Variants in NRG3 observed in about 807,000 individuals in gnomAD.
NRG3 encodes the protein neuregulin 3, also known as pro-neuregulin-3, membrane-bound isoform.
NRG3 carries 31 observed loss-of-function variants against 66.9 expected under a neutral mutation model. That is an observed-to-expected ratio of 0.46 (90% CI 0.35 to 0.63). The LOEUF is 0.63. Ranked by LOEUF, NRG3 falls within the 20% of genes least tolerant of loss-of-function variation. The probability of loss-of-function intolerance (pLI) is 0.00; values close to 1 mark genes in which losing one functional copy is unlikely to be tolerated. For missense variants in NRG3, 910 were observed against 878.9 expected, an observed-to-expected ratio of 1.04 and a Z score of -0.45; for synonymous variants, 393 against 359.4, an observed-to-expected ratio of 1.09 and a Z score of -1.06.
intron 4 of NRG3, among the ~76,000 whole-genome samples, chr10:82,916,023 G>C (rs184523791): frequency 1.1e-4 from 16 of 152,210 alleles, no homozygotes; most frequent in Admixed American, 9.2e-4. Flanking sequence ...GAGAATGGAG[G>C]AAGGCAAAAA....
intron 4 of NRG3, among the ~76,000 whole-genome samples, chr10:82,934,752 C>T (rs1847901186): frequency 6.6e-6 from 1 of 152,196 alleles, no homozygotes; most frequent in Non-Finnish European, 1.5e-5. Flanking sequence ...CTCCTGCCCT[C>T]TGTTTAGGTA....
chr10:82,007,477 G>A (rs1173605196), intron 1 of NRG3, among the ~76,000 whole-genome samples: 1 of 152,082 alleles, frequency 6.6e-6, no homozygotes, highest in Non-Finnish European at 1.5e-5. Flanking sequence ...AAAGTGCTGG[G>A]ATTACAGGCG....
At chr10:82,187,904 T>C (rs2073901775) in intron 1 of NRG3, among the ~76,000 whole-genome samples, 1 of 152,014 alleles carries the variant, frequency 6.6e-6, no homozygotes. Context: ...CAAAGAACTC[T>C]ATAGATTCAG....
chr10:82,028,667 C>G (rs10884057), intron 1 of NRG3, among the ~76,000 whole-genome samples: 26,336 of 152,050 alleles, frequency 0.17, 2,480 homozygotes, highest in Middle Eastern at 0.22. Flanking sequence ...TTTACTTATA[C>G]AAACCCTCAC....
chr10:82,533,295 T>C (rs1352517578), intron 2 of NRG3, among the ~76,000 whole-genome samples: 1 of 152,122 alleles, frequency 6.6e-6, no homozygotes, highest in Admixed American at 6.5e-5. Context: ...GCTTCATAGT[T>C]TGATGTAATA....
intron 2 of NRG3, among the ~76,000 whole-genome samples, chr10:82,376,103 G>A (rs1218289678): frequency 3.3e-5 from 5 of 152,160 alleles, no homozygotes; most frequent in African/African-American, 1.2e-4. Context: ...CAGTAGGTCT[G>A]GGGTGGGGAT....
At chr10:82,721,513 C>T (rs1222503153) in intron 2 of NRG3, among the ~76,000 whole-genome samples, 1 of 152,028 alleles carries the variant, frequency 6.6e-6, no homozygotes, top group Non-Finnish European at 1.5e-5. Flanking sequence ...ACCTCCACCT[C>T]CCGGGTTCTG....
At chr10:82,644,716 A>G (rs553111307) in intron 2 of NRG3, among the ~76,000 whole-genome samples, 1 of 152,272 alleles carries the variant, frequency 6.6e-6, no homozygotes, top group East Asian at 1.9e-4. Flanking sequence ...GTGTCTATGG[A>G]CGGGGATGAT....
chr10:82,499,108 A>G (rs1843902513), intron 2 of NRG3, among the ~76,000 whole-genome samples: 1 of 152,196 alleles, frequency 6.6e-6, no homozygotes, highest in African/African-American at 2.4e-5. Context: ...CTTGAGAAGA[A>G]GAGTCTGGCC....
intron 1 of NRG3, among the ~76,000 whole-genome samples, chr10:81,972,553 CA>C (rs1200058179): frequency 2.0e-5 from 3 of 151,626 alleles, no homozygotes; most frequent in Non-Finnish European, 4.4e-5. Context: ...TTAGAGACTA[CA>C]AAAAAGTAAG....
intron 2 of NRG3, among the ~76,000 whole-genome samples, chr10:82,500,969 T>C (rs1200539233): frequency 6.6e-6 from 1 of 152,110 alleles, no homozygotes; most frequent in Non-Finnish European, 1.5e-5. Context: ...ATTGGGGGTA[T>C]AATGTCGTTA....
chr10:82,536,976 A>G (rs926912379), intron 2 of NRG3, among the ~76,000 whole-genome samples: 1 of 151,956 alleles, frequency 6.6e-6, no homozygotes, highest in African/African-American at 2.4e-5. Flanking sequence ...AGTTGACATG[A>G]ATAAGCAAGC....
intron 1 of NRG3, chr10:81,889,574 A>T (rs1314256505): frequency 6.6e-6 from 1 of 152,178 alleles, no homozygotes; most frequent in African/African-American, 2.4e-5. Flanking sequence ...GCTCCTTGTT[A>T]CCAGACAGAG....
intron 5 of NRG3, 50 bp from the exon 6 acceptor site, chr10:82,958,899 A>C: frequency 6.7e-7 from 1 of 1,486,758 alleles, no homozygotes; most frequent in Non-Finnish European, 8.9e-7. Context: ...TGAAAGTAGG[A>C]GTTGAATAAA....
At chr10:82,453,925 G>T (rs767573940) in intron 2 of NRG3, among the ~76,000 whole-genome samples, 1 of 152,162 alleles carries the variant, frequency 6.6e-6, no homozygotes, top group Admixed American at 6.5e-5. Flanking sequence ...TCACAGAAAT[G>T]CTATGGATAT....
intron 1 of NRG3, among the ~76,000 whole-genome samples, chr10:82,215,506 G>A (rs1368215732): frequency 6.6e-6 from 1 of 152,176 alleles, no homozygotes. Flanking sequence ...TGAGTGGTGT[G>A]TATATGTGTG....
At chr10:82,392,165 AGAG>A (rs2086417829) in intron 2 of NRG3, among the ~76,000 whole-genome samples, 2 of 152,290 alleles carry the variant, frequency 1.3e-5, no homozygotes, top group South Asian at 4.1e-4. Flanking sequence ...ACTGAGAATA[AGAG>A]ATGGCAGCTT....
chr10:81,976,470 C>G (rs1243274512), intron 1 of NRG3, among the ~76,000 whole-genome samples: 1 of 152,088 alleles, frequency 6.6e-6, no homozygotes, highest in Non-Finnish European at 1.5e-5. Flanking sequence ...ACATTTCTAG[C>G]CTAGAAGGTT....
chr10:82,611,533 CTTGTGATAGT>C (rs2048314246), intron 2 of NRG3, among the ~76,000 whole-genome samples: 1 of 152,108 alleles, frequency 6.6e-6, no homozygotes, highest in Non-Finnish European at 1.5e-5. Flanking sequence ...GTTTTCCGTC[CTTGTGATAGT>C]TTGCTGAGAA....
Sources: allele counts gnomAD v4.1 joint callset (sites outside exome capture counted in the v4.1 genomes callset), GRCh38; gene constraint gnomAD v4.1.1; transcripts MANE v1.5; gene names NCBI Gene and HGNC (gene_info 2026-07-23, HGNC 2026-07-21).